Variants in MNX1 observed in about 807,000 individuals in gnomAD.
MNX1 encodes motor neuron and pancreas homeobox 1, also known as motor neuron and pancreas homeobox protein 1.
MNX1 carries 2 observed loss-of-function variants against 17.3 expected under a neutral mutation model. The observed-to-expected ratio is 0.12, with a 90% CI of 0.05 to 0.36. The LOEUF (loss-of-function observed/expected upper bound fraction) is 0.36, where lower values mean the gene tolerates loss of function less well. MNX1 is among the 10% of genes least tolerant of loss of function. The pLI, the probability that MNX1 is intolerant of heterozygous loss-of-function variation, is 1.00. For missense variants in MNX1, 556 were observed against 564.7 expected (o/e 0.98, Z 0.16); for synonymous variants, 306 against 283.1 (o/e 1.08, Z -0.81).
Position 157,010,405 on chromosome 7 carries a change from C to T in MNX1, c.-55G>A. 2 of 1,457,622 alleles carry T rather than the reference C, an allele frequency of 1.4e-6. No homozygotes were observed. Among genetic ancestry groups the T allele is most frequent in the East Asian group, 2.6e-5 (1 of 38,942 alleles). The allele number at this position is 1,457,622 out of a possible 1,614,324, so 90.3% of individuals were successfully genotyped here. A position where few individuals can be genotyped will look rare whatever the true frequency, so the allele number is the denominator to read the frequency against. ...CGGTGGCGGGCGACGCGGCCGTGTG[C>T]GGGCTCGCGGAGTCAGTGCGTGCGG... On this transcript the variant is annotated 5_prime_UTR_variant, in exon 1 of 3. Coordinates refer to ENST00000252971, the MANE Select transcript of MNX1 (RefSeq NM_005515.4).
In MNX1 at chr7:157,010,431, T is replaced by G; in HGVS notation, c.-81A>C. The stretch of plus-strand genomic sequence containing the variant: ...GGGCTCGCGGAGTCAGTGCGTGCGG[T>G]GCAAGCCCGGGGGCTCGGTATTGTT... On this transcript the variant is annotated 5_prime_UTR_variant, in exon 1 of 3. Transcript: ENST00000252971. 1 of 1,106,114 alleles carries G rather than the reference T, an allele frequency of 9.0e-7. No individual in the cohort carries two copies. The highest frequency in any genetic ancestry group is 1.3e-6 in the Non-Finnish European group (1 of 790,456). The allele number at this position is 1,106,114 out of a possible 1,614,324, so 68.5% of individuals were successfully genotyped here.
rs1319055085 is a variant in MNX1 at position 157,005,445 on chromosome 7, G to GGGCGCC, written c.*69_*74dup. On this transcript the variant is annotated 3_prime_UTR_variant, in exon 3 of 3. Coordinates refer to ENST00000252971, the MANE Select transcript of MNX1 (RefSeq NM_005515.4). Reference sequence around the variant, plus strand: ...TCTCGGGGCCGGGCCGGGTGGGTGCGGGCGCCGGGGCCTCCGGGAGAAGCC... The same window carrying GGGCGCC: ...TCTCGGGGCCGGGCCGGGTGGGTGCGGGCGCCGGCGCCGGGGCCTCCGGGAGAAGCC... 47 of 1,082,856 alleles carry GGGCGCC rather than the reference G, an allele frequency of 4.3e-5. No individual in the cohort carries two copies. The highest frequency in any genetic ancestry group is 5.4e-5 in the Non-Finnish European group (47 of 863,616). 67.1% of individuals were successfully genotyped at this position (1,082,856 alleles called of 1,614,324 possible).
At chr7:157,009,094 C>T in intron 1 of MNX1, 4 of 1,536,358 alleles carry the variant, frequency 2.6e-6, no homozygotes, top group East Asian at 4.9e-5. Flanking sequence ...CATCGCACCC[C>T]GGATCCAACG....
chr7:157,008,899 G>T, intron 1 of MNX1: 1 of 1,308,764 alleles, frequency 7.6e-7, no homozygotes, highest in Non-Finnish European at 1.1e-6. Context: ...CTGGCGAGGT[G>T]TCCCGCCCGG....
At position 157,005,022 on chromosome 7, in the gene MNX1, TC is replaced by T. The variant is rs1563699313; in HGVS notation, c.*497del. The T allele has an allele frequency of 1.8e-5, 4 of 223,094 alleles. No homozygotes were observed. The highest frequency in any genetic ancestry group is 6.4e-5 in the East Asian group (1 of 15,508). The allele number at this position is 223,094 out of a possible 1,614,324, so 13.8% of individuals were successfully genotyped here. A position where few individuals can be genotyped will look rare whatever the true frequency, so the allele number is the denominator to read the frequency against. ...AGCAGTTTGAACGCTCGTGACATAA[TC>T]CCCCCGACCCCAGAGACGTAAGCAT... is the stretch of plus-strand genomic sequence containing the variant. On this transcript the variant is annotated 3_prime_UTR_variant, in exon 3 of 3. Transcript: ENST00000252971.
rs373662349 is a variant in MNX1 at position 157,006,853 on chromosome 7, A to ATTTTTTTTTTTTTTTT, written c.692-230_692-215dup. 472 of 273,756 alleles carry ATTTTTTTTTTTTTTTT rather than the reference A, an allele frequency of 1.7e-3. 8 individuals are homozygous for ATTTTTTTTTTTTTTTT. The highest frequency in any genetic ancestry group is 9.4e-3 in the African/African-American group (252 of 26,810). The allele number at this position is 273,756 out of a possible 1,614,324, so 17.0% of individuals were successfully genotyped here. On this transcript the variant is annotated intron_variant, in intron 1 of 2. Transcript: ENST00000252971. This position sits in a 1 kb window ranked among gnomAD's most constrained non-coding sequence, Gnocchi z 6.3. ...GGATAGTTTGGAGTTAATGAGACCA[A>ATTTTTTTTTTTTTTTT]TTTTTTTTTTTTTTTTTGTCTAGGA...
rs894165852 is a variant in MNX1 at position 157,009,351 on chromosome 7, C to T, written c.691+309G>A. 2.5e-5 allele frequency: 36 copies of T among 1,414,498 alleles called. No individual in the cohort carries two copies. The African/African-American group carries it at 3.3e-4, about 13-fold the overall frequency. The allele number at this position is 1,414,498 out of a possible 1,614,324, so 87.6% of individuals were successfully genotyped here. A position where few individuals can be genotyped will look rare whatever the true frequency, so the allele number is the denominator to read the frequency against. On this transcript the variant is annotated intron_variant, in intron 1 of 2. Coordinates refer to ENST00000252971, the MANE Select transcript of MNX1 (RefSeq NM_005515.4). ...TCAGGGCGCTCTCGGCTCGCCTTCC[C>T]CCGGCGACTTCCTTCTCCTGCAGCC...
rs528990697 is a variant in MNX1, at chr7:157,009,757, GGCGGGGTGC to G, written c.585_593del (p.His196_Ala198del). On this transcript the variant is annotated inframe_deletion, in exon 1 of 3. Coordinates refer to ENST00000252971, the MANE Select transcript of MNX1 (RefSeq NM_005515.4). ...TGCCGGCGCCCAGCTTGATGGGGTC[GGCGGGGTGC>G]GCGGGGTGCGCGCCTTGCACCTGCG... 158 of 1,604,270 alleles carry G rather than the reference GGCGGGGTGC, an allele frequency of 9.8e-5. No individual in the cohort carries two copies. Among genetic ancestry groups the G allele is most frequent in the East Asian group, 6.5e-4 (29 of 44,656 alleles).
At chr7:157,008,193 C>G (rs999328408) in intron 1 of MNX1, 1 of 152,180 alleles carries the variant, frequency 6.6e-6, no homozygotes, top group African/African-American at 2.4e-5. Flanking sequence ...CAGAAAGCAC[C>G]CCTAGGAGGC....
intron 1 of MNX1, chr7:157,009,247 T>C: frequency 7.0e-7 from 1 of 1,429,322 alleles, no homozygotes; most frequent in Non-Finnish European, 9.1e-7. Flanking sequence ...CGGGTCTCTC[T>C]AACGCCCCAG....
rs1169437490 is a variant in MNX1, at chr7:157,009,643, G to C, written c.691+17C>G. On this transcript the variant is annotated intron_variant, in intron 1 of 2. Coordinates refer to ENST00000252971, the MANE Select transcript of MNX1 (RefSeq NM_005515.4). ...CCCTCCCGCCACGCGCATCCACGGG[G>C]GCCGCAGGGTACTCACAGTTGAAGT... 2 of 1,607,368 alleles carry C rather than the reference G, an allele frequency of 1.2e-6. No homozygotes were observed. The highest frequency in any genetic ancestry group is 1.3e-5 in the African/African-American group (1 of 74,772).
chr7:157,010,008 G>A lies in MNX1; in HGVS notation c.343C>T (p.His115Tyr), dbSNP rs1805682720. The A allele has an allele frequency of 2.0e-6, 2 of 980,746 alleles. No individual in the cohort carries two copies. The highest frequency in any genetic ancestry group is 1.2e-6 in the Non-Finnish European group (1 of 833,822). The allele number at this position is 980,746 out of a possible 1,614,324, so 60.8% of individuals were successfully genotyped here. The change falls in exon 1 of 3, where the codon CAC becomes TAC. Residue 115 changes from histidine (H) to tyrosine (Y), a missense_variant. This residue lies in a region of MNX1 where 115 missense variants were observed against 103.5 expected (regional missense o/e 1.11). Coordinates refer to ENST00000252971, the MANE Select transcript of MNX1 (RefSeq NM_005515.4). Reference protein sequence around the residue: ...GTGGGHGGPHHHAHPGAAAAA... With the variant: ...GTGGGHGGPHYHAHPGAAAAA... ...GCCGCTGCGCCCGGATGCGCGTGGTGGTGGGGCCCCCCGTGCCCGCCGCCC... is the reference window on the plus strand; with the variant it reads ...GCCGCTGCGCCCGGATGCGCGTGGTAGTGGGGCCCCCCGTGCCCGCCGCCC...
Position 157,006,648 on chromosome 7 carries a change from C to G in MNX1, c.692-9G>C. 2 of 1,579,750 alleles carry G rather than the reference C, an allele frequency of 1.3e-6. No homozygotes were observed. The highest frequency in any genetic ancestry group is 1.7e-6 in the Non-Finnish European group (2 of 1,164,684). Reference sequence around the variant, plus strand: ...GTTCGACTGCGCCTGGGCTGGGGACCAAAGGGCAGTGAGGCCCACAGCCGG... The same window carrying G: ...GTTCGACTGCGCCTGGGCTGGGGACGAAAGGGCAGTGAGGCCCACAGCCGG... On this transcript the variant is annotated splice_polypyrimidine_tract_variant and intron_variant, in intron 1 of 2. Coordinates refer to ENST00000252971, the MANE Select transcript of MNX1 (RefSeq NM_005515.4). This position sits in a 1 kb window ranked among gnomAD's most constrained non-coding sequence, Gnocchi z 6.3.
Position 157,006,537 on chromosome 7 carries a change from T to A in MNX1, c.794A>T (p.Tyr265Phe), listed in dbSNP as rs1468854515. The change falls in exon 2 of 3, where the codon TAC becomes TTC. Residue 265 changes from tyrosine (Y) to phenylalanine (F), a missense_variant. This residue lies in a region of MNX1 where 210 missense variants were observed against 211.3 expected (regional missense o/e 0.99). Coordinates refer to ENST00000252971, the MANE Select transcript of MNX1 (RefSeq NM_005515.4). This position sits in a 1 kb window ranked among gnomAD's most constrained non-coding sequence, Gnocchi z 6.3. ...CTCGAAGCGCTTGGGCCGCGACAGGTACTTGTTGAGCTTGAACTGGTGCTC... is the reference window on the plus strand; with the variant it reads ...CTCGAAGCGCTTGGGCCGCGACAGGAACTTGTTGAGCTTGAACTGGTGCTC... ...ELEHQFKLNK[Y>F]LSRPKRFEVA... 2.5e-6 allele frequency: 4 copies of A among 1,610,460 alleles called. No individual in the cohort carries two copies. The African/African-American group carries it at 5.3e-5, about 22-fold the overall frequency.
chr7:157,008,451 T>C (rs1311709092), intron 1 of MNX1: 1 of 152,556 alleles, frequency 6.6e-6, no homozygotes, highest in East Asian at 1.9e-4. Flanking sequence ...GGGTGACCAC[T>C]GGGGCCTTCT....
intron 1 of MNX1, chr7:157,008,886 C>T: frequency 8.7e-7 from 1 of 1,146,464 alleles, no homozygotes; most frequent in Non-Finnish European, 1.2e-6. Context: ...GGGGCCCAGG[C>T]CTCTGGCGAG....
rs28552720 is a variant in MNX1, at chr7:157,006,202, G to T, written c.852+277C>A. The stretch of plus-strand genomic sequence containing the variant: ...CTGGCTACGTCGCGGTAAATCTCAG[G>T]ATGTTCCCTCCTCTCTTTCTGGAAC... On this transcript the variant is annotated intron_variant, in intron 2 of 2. Transcript: ENST00000252971. The surrounding 1 kb of genome is among the most constrained non-coding windows in gnomAD (Gnocchi z 6.3). 63,352 of 584,208 alleles carry T rather than the reference G, an allele frequency of 0.11. 4,838 individuals are homozygous for T. Among genetic ancestry groups the T allele is most frequent in the African/African-American group, 0.3 (15,779 of 53,476 alleles). The allele number at this position is 584,208 out of a possible 1,614,324, so 36.2% of individuals were successfully genotyped here.
Position 157,006,874 on chromosome 7 carries a change from T to C in MNX1, c.692-235A>G. 2.4e-6 allele frequency: 1 copy of C among 420,572 alleles called. No individual in the cohort carries two copies. Among genetic ancestry groups the C allele is most frequent in the Non-Finnish European group, 4.2e-6 (1 of 235,370 alleles). 26.1% of individuals were successfully genotyped at this position (420,572 alleles called of 1,614,324 possible). On this transcript the variant is annotated intron_variant, in intron 1 of 2. Coordinates refer to ENST00000252971, the MANE Select transcript of MNX1 (RefSeq NM_005515.4). This position sits in a 1 kb window ranked among gnomAD's most constrained non-coding sequence, Gnocchi z 6.3. Reference sequence around the variant, plus strand: ...ACCAATTTTTTTTTTTTTTTTTGTCTAGGAGACGTCTGAGTGTCCCTGTTA... The same window carrying C: ...ACCAATTTTTTTTTTTTTTTTTGTCCAGGAGACGTCTGAGTGTCCCTGTTA...
In MNX1 at chr7:157,006,436, CCCTGGGAGG is replaced by C; in HGVS notation, c.852+34_852+42del. 1 of 1,593,518 alleles carries C rather than the reference CCCTGGGAGG, an allele frequency of 6.3e-7. No homozygotes were observed. The highest frequency in any genetic ancestry group is 8.5e-7 in the Non-Finnish European group (1 of 1,172,432). ...TCACAAGTGCAAAGGTAACAGTGTC[CCCTGGGAGG>C]CCGGGATGCGTCGGGGGCGGGGAGG... On this transcript the variant is annotated intron_variant, in intron 2 of 2. Transcript: ENST00000252971. This position sits in a 1 kb window ranked among gnomAD's most constrained non-coding sequence, Gnocchi z 6.3.
Sources: gnomAD v4.1 joint callset for allele counts on GRCh38, gnomAD v4.1.1 for gene constraint, gnomAD v4.1.1 regional missense constraint, Gnocchi (gnomAD v3.1) non-coding constraint, MANE v1.5 for transcripts, NCBI Gene and HGNC (gene_info 2026-07-23, HGNC 2026-07-21) for gene names.